ZFPM2: variants seen among roughly 807,000 people sequenced by gnomAD.
ZFPM2 encodes zinc finger protein ZFPM2.
A neutral mutation model predicts 98.6 loss-of-function variants in ZFPM2; 20 were observed. That is an observed-to-expected ratio of 0.20 (90% CI 0.14 to 0.29). The LOEUF is 0.29. ZFPM2 is among the 10% of genes least tolerant of loss of function. The pLI is 1.00. For missense variants in ZFPM2, 1,310 were observed against 1,388.6 expected (o/e 0.94, Z 0.90); for synonymous variants, 518 against 502.7 (o/e 1.03, Z -0.41).
chr8:105,598,823 C>G lies in ZFPM2; in HGVS notation c.421-35423C>G, dbSNP rs192653103. Among the ~76,000 whole-genome samples the G allele has an allele frequency of 7.0e-4, 106 of 152,160 alleles. 1 individual carries two copies. In the East Asian group the frequency reaches 0.019, roughly 28 times the overall value. ...CCTAGAGCCTTCTTACTTCTAGCAA[C>G]CAATTACTACATACAAAAAAAACTT... On this transcript the variant is annotated intron_variant, in intron 4 of 7. Coordinates refer to ENST00000407775, the MANE Select transcript of ZFPM2 (RefSeq NM_012082.4).
intron 5 of ZFPM2, among the ~76,000 whole-genome samples, chr8:105,635,010 G>T (rs1816820569): frequency 6.6e-6 from 1 of 152,166 alleles, no homozygotes; most frequent in African/African-American, 2.4e-5. Flanking sequence ...TGGGGCTGGG[G>T]CTGACTGTCC....
intron 5 of ZFPM2, among the ~76,000 whole-genome samples, chr8:105,698,949 T>C (rs1425150377): frequency 6.6e-6 from 1 of 152,156 alleles, no homozygotes; most frequent in African/African-American, 2.4e-5. Flanking sequence ...TTTGAGGGCC[T>C]GGAAAAGGTT....
chr8:105,768,380 T>G (rs1812904108), intron 5 of ZFPM2, among the ~76,000 whole-genome samples: 1 of 151,976 alleles, frequency 6.6e-6, no homozygotes, highest in African/African-American at 2.4e-5. Flanking sequence ...GAATCATCTC[T>G]TTATTAATTC....
intron 5 of ZFPM2, among the ~76,000 whole-genome samples, chr8:105,647,422 C>T (rs1380434307): frequency 6.6e-6 from 1 of 151,774 alleles, no homozygotes; most frequent in Non-Finnish European, 1.5e-5. Flanking sequence ...TACATATGCC[C>T]AATGTGCAGG....
intron 3 of ZFPM2, among the ~76,000 whole-genome samples, chr8:105,484,821 G>A (rs1407443123): frequency 6.6e-6 from 1 of 152,176 alleles, no homozygotes; most frequent in Non-Finnish European, 1.5e-5. Context: ...GAAATTGTGG[G>A]TGGTTTGGGA....
intron 3 of ZFPM2, among the ~76,000 whole-genome samples, chr8:105,475,474 A>G (rs1319754899): frequency 6.6e-6 from 1 of 152,222 alleles, no homozygotes. Context: ...GGCAGAGATC[A>G]AGTGTTTGAA....
chr8:105,356,766 T>G (rs979674662), intron 1 of ZFPM2, among the ~76,000 whole-genome samples: 1 of 152,188 alleles, frequency 6.6e-6, no homozygotes, highest in African/African-American at 2.4e-5. Flanking sequence ...ACTATAATGT[T>G]TTTAGCATGT....
At chr8:105,504,186 T>C (rs1348263937) in intron 3 of ZFPM2, among the ~76,000 whole-genome samples, 1 of 152,168 alleles carries the variant, frequency 6.6e-6, no homozygotes, top group African/African-American at 2.4e-5. Flanking sequence ...TCCCTCTTAA[T>C]TGCATACAGG....
chr8:105,430,255 C>A (rs184222871), intron 2 of ZFPM2, among the ~76,000 whole-genome samples: 1 of 152,116 alleles, frequency 6.6e-6, no homozygotes, highest in African/African-American at 2.4e-5. Context: ...CTTAAGGAGG[C>A]CCCCTGAATT....
At chr8:105,472,647 C>T (rs1394315521) in intron 3 of ZFPM2, among the ~76,000 whole-genome samples, 30 of 152,004 alleles carry the variant, frequency 2.0e-4, no homozygotes, top group African/African-American at 5.8e-4. Flanking sequence ...GGACTACAGG[C>T]GCCCACCATC....
intron 3 of ZFPM2, among the ~76,000 whole-genome samples, chr8:105,508,673 T>G (rs1430823294): frequency 6.6e-6 from 1 of 152,126 alleles, no homozygotes; most frequent in East Asian, 2.0e-4. Flanking sequence ...TATCCTAATC[T>G]GTAAACGACT....
At chr8:105,496,277 G>T (rs1177032113) in intron 3 of ZFPM2, among the ~76,000 whole-genome samples, 1 of 152,140 alleles carries the variant, frequency 6.6e-6, no homozygotes, top group Non-Finnish European at 1.5e-5. Context: ...CTCCCAAAGT[G>T]CTGGGATTAT....
chr8:105,397,297 T>A lies in ZFPM2; in HGVS notation c.41-21847T>A, dbSNP rs148478165. Among the ~76,000 whole-genome samples, 420 of 152,272 alleles carry A rather than the reference T, an allele frequency of 2.8e-3. 12 individuals carry two copies. Among genetic ancestry groups the A allele is most frequent in the Admixed American group, 0.02 (313 of 15,288 alleles). On this transcript the variant is annotated intron_variant, in intron 1 of 7. Transcript: ENST00000407775. ...AGGGAACCGCTTTAATATGATTTCA[T>A]GTACCAGATTTTATAATCACATAAC...
intron 3 of ZFPM2, among the ~76,000 whole-genome samples, chr8:105,546,974 T>G (rs1354465950): frequency 3.9e-5 from 6 of 152,148 alleles, no homozygotes; most frequent in African/African-American, 1.4e-4. Flanking sequence ...CAGTTTCCCT[T>G]TTTTTGGGGA....
intron 6 of ZFPM2, among the ~76,000 whole-genome samples, chr8:105,790,828 T>G (rs1191274034): frequency 6.6e-6 from 1 of 152,204 alleles, no homozygotes; most frequent in African/African-American, 2.4e-5. Flanking sequence ...TAAGTTGGAT[T>G]CCTAAGTATT....
intron 3 of ZFPM2, among the ~76,000 whole-genome samples, chr8:105,464,807 T>G (rs943750585): frequency 2.0e-5 from 3 of 151,984 alleles, no homozygotes; most frequent in African/African-American, 4.8e-5. Context: ...ATGTCTGTGA[T>G]CTGTAGAAGT....
chr8:105,700,271 G>A (rs191325009), intron 5 of ZFPM2, among the ~76,000 whole-genome samples: 122 of 152,292 alleles, frequency 8.0e-4, no homozygotes, highest in African/African-American at 2.7e-3. Context: ...AGTGAGGAAC[G>A]ACTTAGCCTG....
chr8:105,577,883 G>C (rs1191852695), intron 4 of ZFPM2, among the ~76,000 whole-genome samples: 1 of 151,864 alleles, frequency 6.6e-6, no homozygotes, highest in African/African-American at 2.4e-5. Context: ...TTGTCTGTGA[G>C]CATAAATTAT....
chr8:105,577,165 A>G (rs1815485069), intron 4 of ZFPM2, among the ~76,000 whole-genome samples: 2 of 152,208 alleles, frequency 1.3e-5, no homozygotes, highest in South Asian at 4.1e-4. Context: ...TCCATAAGTC[A>G]GGAACTCTTC....
Sources: allele counts gnomAD v4.1 joint callset (sites outside exome capture counted in the v4.1 genomes callset), GRCh38; gene constraint gnomAD v4.1.1; transcripts MANE v1.5; gene names NCBI Gene and HGNC (gene_info 2026-07-23, HGNC 2026-07-21).